The following DPF3 variants were observed in gnomAD, a reference collection of about 807,000 sequenced individuals.
DPF3 encodes the protein double PHD fingers 3.
DPF3 carries 18 observed loss-of-function variants against 56.8 expected under a neutral mutation model. That is an observed-to-expected ratio of 0.32 (90% CI 0.22 to 0.47). The LOEUF is 0.47. Among genes scored for constraint, DPF3 ranks in the 20% least tolerant of loss-of-function variants. The probability of loss-of-function intolerance (pLI) is 1.00; values close to 1 mark genes in which losing one functional copy is unlikely to be tolerated. For synonymous variants in DPF3, 188 were observed against 180.2 expected (o/e 1.04, Z -0.35); for missense variants, 403 against 488.8 (o/e 0.82, Z 1.65).
intron 1 of DPF3, among the ~76,000 whole-genome samples, chr14:72,824,540 G>T (rs1411650588): frequency 7.1e-6 from 1 of 141,218 alleles, no homozygotes; most frequent in Non-Finnish European, 1.6e-5. Flanking sequence ...TTCCATTTAC[G>T]TTTTCTTTTT....
At chr14:72,839,254 A>G (rs1054082807) in intron 1 of DPF3, among the ~76,000 whole-genome samples, 1 of 152,050 alleles carries the variant, frequency 6.6e-6, no homozygotes, top group Admixed American at 6.6e-5. Context: ...CGGGAACAAA[A>G]TCGTATTCCC....
At chr14:72,816,762 A>G (rs1365086008) in intron 1 of DPF3, among the ~76,000 whole-genome samples, 2 of 152,248 alleles carry the variant, frequency 1.3e-5, no homozygotes, top group African/African-American at 4.8e-5. Flanking sequence ...CCAAAAGTGA[A>G]TAATTGTCAT....
chr14:72,735,913 A>G (rs908412185), intron 3 of DPF3, among the ~76,000 whole-genome samples: 1 of 152,232 alleles, frequency 6.6e-6, no homozygotes, highest in Non-Finnish European at 1.5e-5. Flanking sequence ...GTAGAAGATG[A>G]GGCTTATCAA....
intron 1 of DPF3, among the ~76,000 whole-genome samples, chr14:72,861,788 A>AAAGAAAGAAAGC (rs1567261286): frequency 1.3e-5 from 2 of 151,268 alleles, no homozygotes; most frequent in Admixed American, 1.3e-4. Flanking sequence ...AGAAAGAAAG[A>AAAGAAAGAAAGC]AAGAAAGAAA....
intron 1 of DPF3, among the ~76,000 whole-genome samples, chr14:72,854,155 G>A (rs1056027673): frequency 1.3e-5 from 2 of 152,076 alleles, no homozygotes; most frequent in Non-Finnish European, 2.9e-5. Flanking sequence ...TCAGGAGTTC[G>A]AGACCAGCCT....
chr14:72,851,492 T>G (rs572811917), intron 1 of DPF3, among the ~76,000 whole-genome samples: 1 of 152,304 alleles, frequency 6.6e-6, no homozygotes, highest in African/African-American at 2.4e-5. Flanking sequence ...GAGATGAAAA[T>G]GCTTATCATG....
intron 1 of DPF3, among the ~76,000 whole-genome samples, chr14:72,772,471 G>A (rs1891574310): frequency 6.6e-6 from 1 of 152,106 alleles, no homozygotes; most frequent in African/African-American, 2.4e-5. Flanking sequence ...AGAGGAACAG[G>A]CACCAATCTT....
At chr14:72,878,484 T>C (rs1464203060) in intron 1 of DPF3, among the ~76,000 whole-genome samples, 1 of 152,140 alleles carries the variant, frequency 6.6e-6, no homozygotes, top group Non-Finnish European at 1.5e-5. Context: ...GGACTAAAGC[T>C]CCATGGAACA....
intron 2 of DPF3, among the ~76,000 whole-genome samples, chr14:72,763,602 G>A (rs1046033207): frequency 6.6e-6 from 1 of 151,836 alleles, no homozygotes; most frequent in Non-Finnish European, 1.5e-5. Context: ...ATGAATCATA[G>A]ACCTAAATGT....
intron 1 of DPF3, among the ~76,000 whole-genome samples, chr14:72,864,028 G>A (rs1301660213): frequency 6.6e-6 from 1 of 152,180 alleles, no homozygotes; most frequent in Non-Finnish European, 1.5e-5. Context: ...AAAGGTGGTG[G>A]AATGGGAGGC....
At chr14:72,827,173 G>A (rs1043003704) in intron 1 of DPF3, among the ~76,000 whole-genome samples, 3 of 152,058 alleles carry the variant, frequency 2.0e-5, no homozygotes, top group Admixed American at 6.6e-5. Flanking sequence ...CGCTTGGGGT[G>A]GTTACGACAG....
rs57886183 is a variant in DPF3 at position 72,764,484 on chromosome 14, G to GTTT, written c.193+7246_193+7248dup. ...AGTATGCAAACTATTTTCCTGAGTT[G>GTTT]TTTTTTTTTTTTTTTTTTTTTTTTT... is the stretch of plus-strand genomic sequence containing the variant. On this transcript the variant is annotated intron_variant, in intron 2 of 10. Transcript: ENST00000556509. Among the ~76,000 whole-genome samples the GTTT allele has an allele frequency of 6.5e-3, 342 of 52,808 alleles. 38 individuals are homozygous for GTTT. Among genetic ancestry groups the GTTT allele is most frequent in the African/African-American group, 0.015 (194 of 12,766 alleles). The allele number at this position is 52,808 out of a possible 152,430, so 34.6% of individuals were successfully genotyped here. A position where few individuals can be genotyped will look rare whatever the true frequency, so the allele number is the denominator to read the frequency against.
At chr14:72,831,809 G>T (rs561346243) in intron 1 of DPF3, among the ~76,000 whole-genome samples, 2 of 152,370 alleles carry the variant, frequency 1.3e-5, no homozygotes, top group South Asian at 2.1e-4. Context: ...GGTAGGGAAA[G>T]AGGAAAACAA....
chr14:72,883,563 A>C (rs1886398287), intron 1 of DPF3, among the ~76,000 whole-genome samples: 1 of 152,204 alleles, frequency 6.6e-6, no homozygotes, highest in Non-Finnish European at 1.5e-5. Flanking sequence ...ACCACTTCCA[A>C]GGCTGGCAAC....
intron 1 of DPF3, among the ~76,000 whole-genome samples, chr14:72,834,546 G>A (rs570730465): frequency 1.3e-5 from 2 of 150,796 alleles, no homozygotes; most frequent in African/African-American, 4.9e-5. Context: ...TGGTGGGATG[G>A]CTAGAGTCAC....
chr14:72,869,439 G>A (rs780446575), intron 1 of DPF3, among the ~76,000 whole-genome samples: 3 of 152,146 alleles, frequency 2.0e-5, no homozygotes, highest in Non-Finnish European at 4.4e-5. Flanking sequence ...TGTGGTCTGG[G>A]GAGACATGGA....
At chr14:72,699,211 T>C (rs941672748) in intron 6 of DPF3, among the ~76,000 whole-genome samples, 2 of 152,100 alleles carry the variant, frequency 1.3e-5, no homozygotes, top group African/African-American at 4.8e-5. Context: ...AAAGAGAAAC[T>C]GATTTTTTAA....
intron 1 of DPF3, among the ~76,000 whole-genome samples, chr14:72,810,486 G>A (rs886221885): frequency 2.6e-5 from 4 of 152,186 alleles, no homozygotes; most frequent in African/African-American, 9.6e-5. Flanking sequence ...TGTGGGGTTA[G>A]TGACTTGAAG....
At position 72,662,879 on chromosome 14, in the gene DPF3, T is replaced by C. The variant is rs114947854; in HGVS notation, c.871+11361A>G. 1.8e-3 allele frequency: 1,671 copies of C among 949,752 alleles called. 29 individuals are homozygous for C. The African/African-American group carries it at 0.029, about 16-fold the overall frequency. The allele number at this position is 949,752 out of a possible 1,614,324, so 58.8% of individuals were successfully genotyped here. ...AAAGATAAAACAAAAAACAACAGCA[T>C]GGAACAACTACTTAAAAAAGAAAGA... On this transcript the variant is annotated intron_variant, in intron 8 of 10. Coordinates refer to ENST00000556509, the MANE Select transcript of DPF3 (RefSeq NM_001280542.3).
Sources: allele counts gnomAD v4.1 joint callset (sites outside exome capture counted in the v4.1 genomes callset), GRCh38; gene constraint gnomAD v4.1.1; transcripts MANE v1.5; gene names NCBI Gene and HGNC (gene_info 2026-07-23, HGNC 2026-07-21).